TMTC2: variants seen among roughly 807,000 people sequenced by gnomAD.
TMTC2 encodes transmembrane O-mannosyltransferase targeting cadherins 2, also known as protein O-mannosyl-transferase TMTC2.
Under a neutral mutation model 82.4 loss-of-function variants are expected in TMTC2, and 43 were observed. That is an observed-to-expected ratio of 0.52 (90% CI 0.41 to 0.67). The LOEUF is 0.67. TMTC2 is among the 30% of genes least tolerant of loss of function. TMTC2 has a pLI of 0.00. For synonymous variants in TMTC2, 408 were observed against 381.9 expected (o/e 1.07, Z -0.80); for missense variants, 919 against 1,012.4 (o/e 0.91, Z 1.25).
At chr12:82,691,031 A>G (rs561536977) in intron 1 of TMTC2, among the ~76,000 whole-genome samples, 1 of 152,326 alleles carries the variant, frequency 6.6e-6, no homozygotes, top group East Asian at 1.9e-4. Context: ...TAAACAAACC[A>G]TAACTGTTCT....
chr12:83,107,145 G>A (rs1265794780), intron 11 of TMTC2, among the ~76,000 whole-genome samples: 1 of 152,148 alleles, frequency 6.6e-6, no homozygotes, highest in Non-Finnish European at 1.5e-5. Context: ...GTGGGACTTT[G>A]GACTCATACT....
chr12:82,877,438 C>T (rs1872636484), intron 2 of TMTC2, among the ~76,000 whole-genome samples: 1 of 152,128 alleles, frequency 6.6e-6, no homozygotes, highest in Non-Finnish European at 1.5e-5. Flanking sequence ...CTCCTAAAGA[C>T]CCCAGAAGTG....
intron 7 of TMTC2, among the ~76,000 whole-genome samples, 166 bp from the exon 8 acceptor site, chr12:82,985,759 G>A (rs1879127051): frequency 6.6e-6 from 1 of 152,012 alleles, no homozygotes; most frequent in Non-Finnish European, 1.5e-5. Context: ...CTGTAAAATG[G>A]GAATCATGAT....
chr12:83,037,677 A>T (rs1296461074), intron 9 of TMTC2, among the ~76,000 whole-genome samples: 2 of 152,260 alleles, frequency 1.3e-5, no homozygotes, highest in Middle Eastern at 3.4e-3. Flanking sequence ...TATCTAATAA[A>T]TTAATACAAT....
chr12:82,742,586 C>G (rs369894337), intron 1 of TMTC2, among the ~76,000 whole-genome samples: 1 of 150,804 alleles, frequency 6.6e-6, no homozygotes. Flanking sequence ...ATGGCGCATT[C>G]TCGGCTCACC....
chr12:82,884,605 C>A (rs1380893081), intron 2 of TMTC2, among the ~76,000 whole-genome samples: 1 of 152,122 alleles, frequency 6.6e-6, no homozygotes, highest in Admixed American at 6.6e-5. Flanking sequence ...ACTGTAGTAA[C>A]AACCATTTAA....
chr12:82,979,438 A>T (rs1878824546), intron 7 of TMTC2, among the ~76,000 whole-genome samples: 1 of 151,774 alleles, frequency 6.6e-6, no homozygotes, highest in African/African-American at 2.4e-5. Flanking sequence ...GAAAAAGATT[A>T]ATAAACAAGA....
chr12:82,858,405 G>A (rs1871364482), intron 2 of TMTC2, among the ~76,000 whole-genome samples: 2 of 152,180 alleles, frequency 1.3e-5, no homozygotes, highest in Non-Finnish European at 1.5e-5. Flanking sequence ...TGACTTTGGC[G>A]TGAAGACGGA....
chr12:82,729,729 C>T (rs375642754), intron 1 of TMTC2, among the ~76,000 whole-genome samples: 2 of 152,150 alleles, frequency 1.3e-5, no homozygotes, highest in South Asian at 2.1e-4. Context: ...AGCAGGCTGC[C>T]CAAGCTAGCA....
chr12:82,943,769 T>C (rs1876847374), intron 4 of TMTC2, among the ~76,000 whole-genome samples: 1 of 152,212 alleles, frequency 6.6e-6, no homozygotes, highest in South Asian at 2.1e-4. Flanking sequence ...TAAGGATCCA[T>C]TAATTTATTC....
chr12:82,973,505 AT>A (rs1414421600), intron 7 of TMTC2, among the ~76,000 whole-genome samples: 1 of 152,210 alleles, frequency 6.6e-6, no homozygotes, highest in African/African-American at 2.4e-5. Context: ...AATAATGAAT[AT>A]ATGAAATTTA....
chr12:82,974,214 G>A (rs904764386), intron 7 of TMTC2, among the ~76,000 whole-genome samples: 5 of 151,912 alleles, frequency 3.3e-5, no homozygotes, highest in Non-Finnish European at 5.9e-5. Flanking sequence ...ACATACCCAC[G>A]CCCGTGGACA....
At position 82,973,435 on chromosome 12, in the gene TMTC2, C is replaced by T. The variant is rs897170800; in HGVS notation, c.1948+6438C>T. On this transcript the variant is annotated intron_variant, in intron 7 of 11. Coordinates refer to ENST00000321196, the MANE Select transcript of TMTC2 (RefSeq NM_152588.3). The stretch of plus-strand genomic sequence containing the variant: ...AGACTTGAGAAATTTTAGAAGTATA[C>T]TTTGAAGATTATGTAGTCAATAAGA... 7.2e-5 allele frequency among the ~76,000 whole-genome samples: 11 copies of T among 152,074 alleles called. No individual in the cohort carries two copies. In the East Asian group the frequency reaches 2.1e-3, roughly 29 times the overall value.
intron 11 of TMTC2, among the ~76,000 whole-genome samples, chr12:83,117,286 C>G (rs1311595401): frequency 6.6e-6 from 1 of 152,156 alleles, no homozygotes; most frequent in Admixed American, 6.5e-5. Flanking sequence ...CAGCATCACC[C>G]TAATACCAAA....
chr12:82,840,689 G>A (rs752632135), intron 1 of TMTC2, among the ~76,000 whole-genome samples: 2 of 152,196 alleles, frequency 1.3e-5, no homozygotes, highest in African/African-American at 2.4e-5. Context: ...AAGGCACTGC[G>A]CGTATACACC....
intron 2 of TMTC2, among the ~76,000 whole-genome samples, chr12:82,889,414 T>G (rs982138501): frequency 3.9e-5 from 6 of 152,292 alleles, no homozygotes; most frequent in African/African-American, 1.2e-4. Flanking sequence ...ACCTTTTAGT[T>G]TTTTCAAATA....
At chr12:82,691,397 T>C (rs1383067177) in intron 1 of TMTC2, among the ~76,000 whole-genome samples, 1 of 152,176 alleles carries the variant, frequency 6.6e-6, no homozygotes, top group Non-Finnish European at 1.5e-5. Flanking sequence ...TACATCAAGC[T>C]CTTAATAATT....
intron 11 of TMTC2, among the ~76,000 whole-genome samples, chr12:83,122,245 C>A (rs1453199588): frequency 2.0e-5 from 3 of 151,636 alleles, no homozygotes; most frequent in African/African-American, 7.3e-5. Context: ...TGCTACCCAC[C>A]TCCCAGCTAT....
intron 1 of TMTC2, among the ~76,000 whole-genome samples, chr12:82,828,536 C>G (rs532455108): frequency 1.3e-5 from 2 of 152,180 alleles, no homozygotes; most frequent in South Asian, 4.1e-4. Context: ...TTCTGTATGG[C>G]CTTCATATAC....
Sources: allele counts gnomAD v4.1 joint callset (sites outside exome capture counted in the v4.1 genomes callset), GRCh38; gene constraint gnomAD v4.1.1; transcripts MANE v1.5; gene names NCBI Gene and HGNC (gene_info 2026-07-23, HGNC 2026-07-21).